ZFP64: variants seen among roughly 807,000 people sequenced by gnomAD.
ZFP64 encodes the protein ZFP64 zinc finger protein.
A neutral mutation model predicts 51.6 loss-of-function variants in ZFP64; 14 were observed. That is an observed-to-expected ratio of 0.27 (90% CI 0.18 to 0.42). ZFP64 has a LOEUF of 0.42. Ranked by LOEUF, ZFP64 falls within the 10% of genes least tolerant of loss-of-function variation. The pLI is 1.00. For missense variants in ZFP64, 754 were observed against 906.8 expected (o/e 0.83, Z 2.16); for synonymous variants, 375 against 361.4 (o/e 1.04, Z -0.43).
intron 5 of ZFP64, among the ~76,000 whole-genome samples, chr20:52,127,187 T>A (rs1186195441): frequency 6.6e-6 from 1 of 152,114 alleles, no homozygotes; most frequent in African/African-American, 2.4e-5. Flanking sequence ...CCTGACCTCA[T>A]GATCCGCCGG....
intron 2 of ZFP64, among the ~76,000 whole-genome samples, chr20:52,186,418 ATT>A (rs11336316): frequency 6.8e-6 from 1 of 147,608 alleles, no homozygotes. Flanking sequence ...CAGTTTATAG[ATT>A]TTTTTTTTTT....
Position 52,177,662 on chromosome 20 carries a change from A to G in ZFP64, c.286+9170T>C, listed in dbSNP as rs552941906. Among the ~76,000 whole-genome samples the G allele has an allele frequency of 1.5e-4, 23 of 152,108 alleles. No homozygotes were observed. The South Asian group carries it at 4.6e-3, about 30-fold the overall frequency. ...GAACTCCGCACCTTTGAGCTGCCGA[A>G]CTGACCTTGCCTGTTCTGGCTATGA... On this transcript the variant is annotated intron_variant, in intron 2 of 5. Transcript: ENST00000216923.
chr20:52,096,687 G>A (rs1019123370), intron 7 of ZFP64: 2 of 181,058 alleles, frequency 1.1e-5, no homozygotes, highest in African/African-American at 2.3e-5. Context: ...TCAGGAGTTC[G>A]AGACCAGCCT....
intron 8 of ZFP64, chr20:52,088,322 T>C (rs1191500162): frequency 6.3e-6 from 10 of 1,578,676 alleles, no homozygotes; most frequent in Non-Finnish European, 8.6e-7. Context: ...TTGCTTGTGT[T>C]GTTAAGTAAA....
At chr20:52,104,827 C>T (rs776593248) in intron 5 of ZFP64, 14 of 628,608 alleles carry the variant, frequency 2.2e-5, no homozygotes, top group Admixed American at 2.2e-4. Context: ...CCGCGCATCC[C>T]GAAAACAGCC....
Position 52,191,685 on chromosome 20 carries a change from A to T in ZFP64, c.-49T>A. The T allele has an allele frequency of 6.4e-7, 1 of 1,555,420 alleles. No individual in the cohort carries two copies. Among genetic ancestry groups the T allele is most frequent in the Non-Finnish European group, 8.7e-7 (1 of 1,155,102 alleles). On this transcript the variant is annotated 5_prime_UTR_variant, in exon 1 of 6. Coordinates refer to ENST00000216923, the MANE Select transcript of ZFP64 (RefSeq NM_018197.3). This position sits in a 1 kb window ranked among gnomAD's most constrained non-coding sequence, Gnocchi z 4.3. ...GCCGGCCGGGATGCCAAAGTGGGGG[A>T]CGCTGATCTACATGGTGCAAGGACT...
intron 7 of ZFP64, among the ~76,000 whole-genome samples, chr20:52,093,255 C>G (rs2122725907): frequency 6.6e-6 from 1 of 152,280 alleles, no homozygotes; most frequent in South Asian, 2.1e-4. Flanking sequence ...ATTCTCCTGC[C>G]TCAGCCTCCT....
intron 1 of ZFP64, among the ~76,000 whole-genome samples, chr20:52,189,620 C>T (rs1353627458): frequency 1.3e-5 from 2 of 151,588 alleles, no homozygotes; most frequent in Non-Finnish European, 2.9e-5. Context: ...GGATTACAAG[C>T]GCCACCACCA....
rs1981696625 is a variant in ZFP64 at position 52,160,467 on chromosome 20, C to A, written c.512-93G>T. 4.0e-6 allele frequency: 6 copies of A among 1,486,850 alleles called. No homozygotes were observed. Among genetic ancestry groups the A allele is most frequent in the Non-Finnish European group, 5.4e-6 (6 of 1,117,554 alleles). The allele number at this position is 1,486,850 out of a possible 1,614,324, so 92.1% of individuals were successfully genotyped here. On this transcript the variant is annotated intron_variant, in intron 4 of 5. Transcript: ENST00000216923. The surrounding 1 kb of genome is among the most constrained non-coding windows in gnomAD (Gnocchi z 4.2). ...ACTGCCTTACGAAAAAAGTCATATACAACCACCGAAGAATATTCCAAAAAC... is the reference window on the plus strand; with the variant it reads ...ACTGCCTTACGAAAAAAGTCATATAAAACCACCGAAGAATATTCCAAAAAC...
rs749024554 is a variant in ZFP64, at chr20:52,085,270, G to T, written c.1229-4C>A. 1.2e-6 allele frequency: 2 copies of T among 1,605,156 alleles called. No homozygotes were observed. Among genetic ancestry groups the T allele is most frequent in the Non-Finnish European group, 8.5e-7 (1 of 1,174,698 alleles). ...CAGCACTGGAAGGGGGTATCCCCTA[G>T]CAATGGAAGGTGTGTTTCCATTAGA... On this transcript the variant is annotated splice_polypyrimidine_tract_variant and splice_region_variant and intron_variant, in intron 8 of 8. Coordinates refer to the ZFP64 transcript ENST00000361387. This position sits in a 1 kb window ranked among gnomAD's most constrained non-coding sequence, Gnocchi z 4.3.
intron 5 of ZFP64, among the ~76,000 whole-genome samples, chr20:52,105,813 T>C (rs985061431): frequency 1.5e-4 from 23 of 151,996 alleles, no homozygotes; most frequent in Admixed American, 3.3e-4. Flanking sequence ...TCGGACTTAA[T>C]TGGTCTGGGC....
intron 2 of ZFP64, among the ~76,000 whole-genome samples, chr20:52,180,906 C>A (rs1983567184): frequency 6.6e-6 from 1 of 152,126 alleles, no homozygotes; most frequent in African/African-American, 2.4e-5. Flanking sequence ...CATTACCAAA[C>A]CCTGTCCCCT....
At chr20:52,087,968 A>G (rs1231898751) in intron 8 of ZFP64, among the ~76,000 whole-genome samples, 1 of 101,316 alleles carries the variant, frequency 9.9e-6, no homozygotes, top group Admixed American at 8.7e-5. Flanking sequence ...AGTTGGTCCT[A>G]TCATTTCAGT....
At chr20:52,091,926 G>T (rs2078931917) in intron 7 of ZFP64, among the ~76,000 whole-genome samples, 1 of 151,796 alleles carries the variant, frequency 6.6e-6, no homozygotes, top group South Asian at 2.1e-4. Flanking sequence ...GGAGGTGGAG[G>T]TTGCGGTGAG....
chr20:52,108,861 A>AACAC (rs57127987), intron 5 of ZFP64, among the ~76,000 whole-genome samples: 15,115 of 139,550 alleles, frequency 0.11, 1,047 homozygotes, highest in African/African-American at 0.2. Context: ...GAAAATCTGA[A>AACAC]ACACACACAC....
At chr20:52,107,663 A>G (rs1978340980) in intron 5 of ZFP64, among the ~76,000 whole-genome samples, 1 of 152,202 alleles carries the variant, frequency 6.6e-6, no homozygotes, top group African/African-American at 2.4e-5. Context: ...ACTTAATATT[A>G]TTTTGCTAAG....
intron 4 of ZFP64, among the ~76,000 whole-genome samples, chr20:52,164,242 T>G (rs1982059545): frequency 6.6e-6 from 1 of 152,074 alleles, no homozygotes; most frequent in Non-Finnish European, 1.5e-5. Flanking sequence ...GCCACCGCAC[T>G]CCAGCCTGGG....
At chr20:52,090,518 C>T (rs754079881) in intron 7 of ZFP64, among the ~76,000 whole-genome samples, 4 of 151,840 alleles carry the variant, frequency 2.6e-5, no homozygotes, top group East Asian at 1.9e-4. Flanking sequence ...TTGGTTGGGG[C>T]GACTGGGCAT....
chr20:52,098,528 T>A, exon 6 of ZFP64: 2 of 1,613,940 alleles, frequency 1.2e-6, no homozygotes, highest in Non-Finnish European at 1.7e-6. Flanking sequence ...GCCTTCGGAG[T>A]GTCAGTGCTT....
Sources: gnomAD v4.1 joint callset for allele counts (sites outside exome capture counted in the v4.1 genomes callset) on GRCh38, gnomAD v4.1.1 for gene constraint, Gnocchi (gnomAD v3.1) non-coding constraint, MANE v1.5 for transcripts, NCBI Gene and HGNC (gene_info 2026-07-23, HGNC 2026-07-21) for gene names.